Variants in PTPRZ1 observed in about 807,000 individuals in gnomAD.
PTPRZ1 encodes protein tyrosine phosphatase receptor type Z1.
Under a neutral mutation model 214.1 loss-of-function variants are expected in PTPRZ1, and 82 were observed. That is an observed-to-expected ratio of 0.38 (90% CI 0.32 to 0.46). The LOEUF is 0.46. PTPRZ1 is among the 20% of genes least tolerant of loss of function. The probability of loss-of-function intolerance (pLI) is 1.00; values close to 1 mark genes in which losing one functional copy is unlikely to be tolerated. For missense variants in PTPRZ1, 2,603 were observed against 2,748.7 expected (o/e 0.95, Z 1.19); for synonymous variants, 945 against 987.9 (o/e 0.96, Z 0.81).
chr7:121,922,456 C>G (rs1473178324), intron 1 of PTPRZ1, among the ~76,000 whole-genome samples: 2 of 152,088 alleles, frequency 1.3e-5, no homozygotes, highest in African/African-American at 4.8e-5. Context: ...ACTCGGGAGG[C>G]TGAGGCAGAA....
intron 8 of PTPRZ1, among the ~76,000 whole-genome samples, chr7:121,990,547 T>C (rs1797925526): frequency 7.6e-6 from 1 of 131,084 alleles, no homozygotes; most frequent in Non-Finnish European, 1.6e-5. Context: ...TTTGACAGAG[T>C]CTCTCTTTGT....
At chr7:121,981,974 A>G (rs1315681946) in intron 6 of PTPRZ1, among the ~76,000 whole-genome samples, 1 of 152,120 alleles carries the variant, frequency 6.6e-6, no homozygotes, top group African/African-American at 2.4e-5. Flanking sequence ...ACCTCAACCT[A>G]CCATTAGGTT....
rs888724856 is a variant in PTPRZ1 at position 122,053,876 on chromosome 7, C to T, written c.6253-34C>T. On this transcript the variant is annotated intron_variant, in intron 25 of 29. Transcript: ENST00000393386. ...TATCTGAATGTTTAAAGGCATACGC[C>T]AGTGCTGTTTTTGTCTTCTCTTTGG... The T allele has an allele frequency of 3.1e-6, 5 of 1,609,098 alleles. No homozygotes were observed. In the Admixed American group the frequency reaches 5.0e-5, roughly 16 times the overall value.
chr7:122,052,949 C>T (rs371192499), intron 25 of PTPRZ1, among the ~76,000 whole-genome samples: 3 of 152,238 alleles, frequency 2.0e-5, no homozygotes, highest in South Asian at 2.1e-4. Flanking sequence ...TAGCTGATAG[C>T]TACCATTCTC....
intron 17 of PTPRZ1, among the ~76,000 whole-genome samples, chr7:122,035,983 A>G (rs2150473994): frequency 6.6e-6 from 1 of 152,290 alleles, no homozygotes; most frequent in African/African-American, 2.4e-5. Context: ...TTTCACTGGC[A>G]GTGTGCTATC....
At chr7:121,880,634 A>G (rs1389899552) in intron 1 of PTPRZ1, among the ~76,000 whole-genome samples, 1 of 152,202 alleles carries the variant, frequency 6.6e-6, no homozygotes, top group East Asian at 1.9e-4. Context: ...TGACTCCTTT[A>G]AGCAGAGATC....
In PTPRZ1 at chr7:121,873,435, C is replaced by A; in HGVS notation, c.-65C>A. 1 of 1,533,934 alleles carries A rather than the reference C, an allele frequency of 6.5e-7. No homozygotes were observed. The highest frequency in any genetic ancestry group is 9.0e-7 in the Non-Finnish European group (1 of 1,113,992). ...AAACAAAAAAAACATTTCCTTCGCT[C>A]CCCCTCCCTCTCCACTCTGAGAAGC... is the stretch of plus-strand genomic sequence containing the variant. On this transcript the variant is annotated 5_prime_UTR_variant, in exon 1 of 30. Transcript: ENST00000393386.
Position 122,013,274 on chromosome 7 carries a change from GC to G in PTPRZ1, c.4230del (p.Gly1411ValfsTer2). 1 of 1,613,850 alleles carries G rather than the reference GC, an allele frequency of 6.2e-7. No individual in the cohort carries two copies. The highest frequency in any genetic ancestry group is 1.1e-5 in the South Asian group (1 of 91,044). ...SELSHSAKSD[A>X]GLVGGGEDGD... Reference sequence around the variant, plus strand: ...GCTGAGTCATAGTGCCAAATCTGATGCCGGTTTAGTGGGTGGTGGTGAAGAT... The same window carrying G: ...GCTGAGTCATAGTGCCAAATCTGATGCGGTTTAGTGGGTGGTGGTGAAGAT... On this transcript the variant is annotated frameshift_variant, in exon 12 of 30. Transcript: ENST00000393386. LOFTEE classifies it high-confidence loss of function.
rs79387486 is a variant in PTPRZ1 at position 121,977,725 on chromosome 7, T to C, written c.619+874T>C. Reference sequence around the variant, plus strand: ...GTAGCTTTTATTTTTTTTTTTTTTTTAGAGACACAGCACAAGATGAAGCTG... The same window carrying C: ...GTAGCTTTTATTTTTTTTTTTTTTTCAGAGACACAGCACAAGATGAAGCTG... On this transcript the variant is annotated intron_variant, in intron 6 of 29. Transcript: ENST00000393386. Among the ~76,000 whole-genome samples, 8 of 151,774 alleles carry C rather than the reference T, an allele frequency of 5.3e-5. 1 individual carries two copies. Among genetic ancestry groups the C allele is most frequent in the Admixed American group, 3.3e-4 (5 of 15,234 alleles).
At chr7:121,913,844 A>T (rs1563014784) in intron 1 of PTPRZ1, among the ~76,000 whole-genome samples, 1 of 152,214 alleles carries the variant, frequency 6.6e-6, no homozygotes, top group African/African-American at 2.4e-5. Context: ...TCACACATAT[A>T]TATTAAGTAA....
intron 1 of PTPRZ1, among the ~76,000 whole-genome samples, chr7:121,901,666 C>G (rs1794964169): frequency 6.6e-6 from 1 of 151,984 alleles, no homozygotes. Context: ...TCATAAACGC[C>G]TATCAGAGTG....
In PTPRZ1 at chr7:122,012,911, AATG is replaced by A; in HGVS notation, c.3870_3872del (p.Asp1290del). On this transcript the variant is annotated inframe_deletion, in exon 12 of 30. Coordinates refer to ENST00000393386, the MANE Select transcript of PTPRZ1 (RefSeq NM_002851.3). Reference sequence around the variant, plus strand: ...CCAAGTGGTACCTTCTTTGTACAGTAATGATGAGTTGTTCCAAACGGCCAATTT... The same window carrying A: ...CCAAGTGGTACCTTCTTTGTACAGTAATGAGTTGTTCCAAACGGCCAATTT... The A allele has an allele frequency of 6.2e-7, 1 of 1,614,134 alleles. No homozygotes were observed. Among genetic ancestry groups the A allele is most frequent in the East Asian group, 2.2e-5 (1 of 44,876 alleles).
chr7:121,883,551 A>G lies in PTPRZ1; in HGVS notation c.58+9994A>G, dbSNP rs150910948. Among the ~76,000 whole-genome samples, 11 of 152,330 alleles carry G rather than the reference A, an allele frequency of 7.2e-5. No individual in the cohort carries two copies. In the East Asian group the frequency reaches 2.1e-3, roughly 29 times the overall value. On this transcript the variant is annotated intron_variant, in intron 1 of 29. Transcript: ENST00000393386. ...AAATTGCTTACAACTTGTATTTTAT[A>G]TAAAAATAGTGTAATGGAAAATAAT...
At chr7:121,943,150 T>TACACG (rs1796276917) in intron 2 of PTPRZ1, among the ~76,000 whole-genome samples, 2 of 152,206 alleles carry the variant, frequency 1.3e-5, no homozygotes, top group African/African-American at 4.8e-5. Context: ...CCTATGACTA[T>TACACG]CTTTACAAGC....
intron 27 of PTPRZ1, among the ~76,000 whole-genome samples, chr7:122,058,020 A>T (rs1030777562): frequency 1.3e-4 from 19 of 151,174 alleles, no homozygotes; most frequent in African/African-American, 4.6e-4. Context: ...GTTCTAGGAC[A>T]TTTATTTTAT....
chr7:122,008,375 G>A lies in PTPRZ1; in HGVS notation c.1288-1959G>A, dbSNP rs1420826283. 3.3e-5 allele frequency among the ~76,000 whole-genome samples: 5 copies of A among 152,148 alleles called. No homozygotes were observed. In the East Asian group the frequency reaches 9.7e-4, roughly 29 times the overall value. ...GATCAGAGTTGATTTAAGCTGATGAGAATTATCTGTTTGAGAATTTGAGAA... is the reference window on the plus strand; with the variant it reads ...GATCAGAGTTGATTTAAGCTGATGAAAATTATCTGTTTGAGAATTTGAGAA... On this transcript the variant is annotated intron_variant, in intron 11 of 29. Coordinates refer to ENST00000393386, the MANE Select transcript of PTPRZ1 (RefSeq NM_002851.3).
intron 13 of PTPRZ1, among the ~76,000 whole-genome samples, chr7:122,021,333 T>C (rs1198022195): frequency 6.6e-6 from 1 of 152,154 alleles, no homozygotes; most frequent in Non-Finnish European, 1.5e-5. Context: ...AAGATAAAAT[T>C]ACCAGTCAAA....
intron 12 of PTPRZ1, among the ~76,000 whole-genome samples, chr7:122,018,456 G>C (rs969635140): frequency 6.6e-6 from 1 of 150,956 alleles, no homozygotes; most frequent in African/African-American, 2.4e-5. Flanking sequence ...ATTTACACTT[G>C]CATATTTCAG....
intron 10 of PTPRZ1, among the ~76,000 whole-genome samples, chr7:121,999,043 C>T (rs1241832863): frequency 1.3e-5 from 2 of 152,068 alleles, no homozygotes; most frequent in African/African-American, 2.4e-5. Flanking sequence ...GCTGTTCTTA[C>T]TAGTTGACTT....
Sources: allele counts gnomAD v4.1 joint callset (sites outside exome capture counted in the v4.1 genomes callset), GRCh38; gene constraint gnomAD v4.1.1; transcripts MANE v1.5; gene names NCBI Gene and HGNC (gene_info 2026-07-23, HGNC 2026-07-21).